Variants in ANKRD36C observed in about 807,000 individuals in gnomAD.
ANKRD36C encodes ankyrin repeat domain-containing protein 36C.
A neutral mutation model predicts 276.4 loss-of-function variants in ANKRD36C; 61 were observed. The observed-to-expected ratio is 0.22, with a 90% confidence interval of 0.18 to 0.27. The LOEUF (loss-of-function observed/expected upper bound fraction) is 0.27, where lower values mean the gene tolerates loss of function less well. ANKRD36C is among the 10% of genes least tolerant of loss of function. ANKRD36C has a pLI of 1.00. For missense variants in ANKRD36C, 1,447 were observed against 2,032.3 expected, an observed-to-expected ratio of 0.71 and a Z score of 5.54; for synonymous variants, 483 against 680.1, an observed-to-expected ratio of 0.71 and a Z score of 4.51.
In ANKRD36C at chr2:95,986,294, G is replaced by A. The variant is rs187619047; in HGVS notation, c.486+457C>T. Among the ~76,000 whole-genome samples, 174 of 151,610 alleles carry A rather than the reference G, an allele frequency of 1.1e-3. 1 individual carries two copies. The highest frequency in any genetic ancestry group is 3.9e-3 in the African/African-American group (158 of 40,950). ...CCTTTCCACAGAGGAATCACTTTCA[G>A]ATGAAATCACCTTCACATACAATAC... On this transcript the variant is annotated intron_variant, in intron 3 of 66. Transcript: ENST00000456556.
chr2:95,891,755 T>A lies in ANKRD36C; in HGVS notation c.2785-18A>T, dbSNP rs755821622. The A allele has an allele frequency of 4.5e-6, 7 of 1,572,028 alleles. No homozygotes were observed. The South Asian group carries it at 8.1e-5, about 18-fold the overall frequency. ...CTTGTAGCCTGAATGGAATTTGAAA[T>A]GAAATAATAAATTAATAAAGTATGT... On this transcript the variant is annotated intron_variant, in intron 45 of 66. Coordinates refer to ENST00000456556, the Ensembl canonical transcript of ANKRD36C.
intron 3 of ANKRD36C, among the ~76,000 whole-genome samples, chr2:95,985,290 T>C (rs1489379467): frequency 6.6e-6 from 1 of 152,198 alleles, no homozygotes; most frequent in Non-Finnish European, 1.5e-5. Flanking sequence ...GTCAGGCCAA[T>C]ATTATTGGAA....
In ANKRD36C at chr2:95,902,497, T is replaced by G. The variant is rs1487736169; in HGVS notation, c.2654-3161A>C. Among the ~76,000 whole-genome samples, 5 of 150,582 alleles carry G rather than the reference T, an allele frequency of 3.3e-5. 1 individual carries two copies. Among genetic ancestry groups the G allele is most frequent in the African/African-American group, 1.2e-4 (5 of 41,022 alleles). On this transcript the variant is annotated intron_variant, in intron 42 of 66. Transcript: ENST00000456556. The stretch of plus-strand genomic sequence containing the variant: ...AGTTCTCCTAACAGTGTCTACGGGT[T>G]GTTACAACAAGCTTTCTATCTTTTC...
rs1293389531 is a variant in ANKRD36C at position 95,944,621 on chromosome 2, A to G, written c.1491+6T>C. 2.0e-6 allele frequency: 3 copies of G among 1,537,106 alleles called. No individual in the cohort carries two copies. The highest frequency in any genetic ancestry group is 2.6e-6 in the Non-Finnish European group (3 of 1,146,738). ...TATGTTGGCTTTTAACCACATCTTC[A>G]TTTACCTTATCAACATTTTGGTCTT... On this transcript the variant is annotated splice_donor_region_variant and intron_variant, in intron 19 of 66. Coordinates refer to ENST00000456556, the Ensembl canonical transcript of ANKRD36C.
At chr2:95,896,057 G>A (rs938534864) in intron 44 of ANKRD36C, among the ~76,000 whole-genome samples, 10 of 147,600 alleles carry the variant, frequency 6.8e-5, no homozygotes, top group East Asian at 6.2e-4. Flanking sequence ...ACACAATTAC[G>A]ATGACACTCC....
chr2:95,867,963 G>A (rs1198427040), intron 59 of ANKRD36C, among the ~76,000 whole-genome samples: 2 of 152,178 alleles, frequency 1.3e-5, no homozygotes, highest in Non-Finnish European at 2.9e-5. Context: ...AATTCAAATG[G>A]ATCAAATAAT....
At chr2:95,961,916 T>C (rs1478014541) in intron 8 of ANKRD36C, among the ~76,000 whole-genome samples, 2 of 152,054 alleles carry the variant, frequency 1.3e-5, no homozygotes, top group Admixed American at 6.6e-5. Context: ...AGTAAAATAA[T>C]TACCACATCA....
At chr2:95,929,965 T>C (rs1677521417) in intron 24 of ANKRD36C, among the ~76,000 whole-genome samples, 1 of 151,540 alleles carries the variant, frequency 6.6e-6, no homozygotes, top group Non-Finnish European at 1.5e-5. Context: ...AAAAGTGTAA[T>C]AAATTAGCAA....
rs879694379 is a variant in ANKRD36C at position 95,983,857 on chromosome 2, C to T, written c.487-1495G>A. ...GGTCTCAATCTTCTGACCTCGTGATCTACCTGCCTCTGCCTCCCAAAGTGC... is the reference window on the plus strand; with the variant it reads ...GGTCTCAATCTTCTGACCTCGTGATTTACCTGCCTCTGCCTCCCAAAGTGC... On this transcript the variant is annotated intron_variant, in intron 3 of 66. Coordinates refer to ENST00000456556, the Ensembl canonical transcript of ANKRD36C. 5.7e-4 allele frequency among the ~76,000 whole-genome samples: 87 copies of T among 151,320 alleles called. 1 individual carries two copies. Among genetic ancestry groups the T allele is most frequent in the African/African-American group, 1.9e-3 (79 of 41,254 alleles).
chr2:95,951,260 A>G lies in ANKRD36C; in HGVS notation c.1264+88T>C. On this transcript the variant is annotated intron_variant, in intron 15 of 66. Transcript: ENST00000456556. ...TGCACTCCAGCCTGTGCTGCAGACTAGTAAGACTGTGTTTCACAAAGAAAA... is the reference window on the plus strand; with the variant it reads ...TGCACTCCAGCCTGTGCTGCAGACTGGTAAGACTGTGTTTCACAAAGAAAA... The G allele has an allele frequency of 4.4e-6, 5 of 1,133,656 alleles. No homozygotes were observed. In the Admixed American group the frequency reaches 9.2e-5, roughly 21 times the overall value. 70.2% of individuals were successfully genotyped at this position (1,133,656 alleles called of 1,614,324 possible). A position where few individuals can be genotyped will look rare whatever the true frequency, so the allele number is the denominator to read the frequency against.
intron 34 of ANKRD36C, among the ~76,000 whole-genome samples, chr2:95,920,794 G>A (rs1573768338): frequency 1.3e-5 from 2 of 149,772 alleles, no homozygotes; most frequent in Non-Finnish European, 3.0e-5. Flanking sequence ...GGAGTATCAT[G>A]TTAGTCTCTA....
At chr2:95,902,895 T>G in intron 42 of ANKRD36C, 1 of 1,579,566 alleles carries the variant, frequency 6.3e-7, no homozygotes. Flanking sequence ...CCTCTCCTAG[T>G]TTTTTCTCCA....
rs1199643422 is a variant in ANKRD36C, at chr2:95,923,418, C to G, written c.2143+77G>C. On this transcript the variant is annotated intron_variant, in intron 32 of 66. Transcript: ENST00000456556. ...AGAATGTGCAGCTTTGATGAGCCCC[C>G]CGCTGATTTATTCAGGGAAGAGAAG... 13 of 1,539,794 alleles carry G rather than the reference C, an allele frequency of 8.4e-6. No homozygotes were observed. In the Admixed American group the frequency reaches 2.1e-4, roughly 25 times the overall value.
intron 32 of ANKRD36C, among the ~76,000 whole-genome samples, chr2:95,922,841 T>C (rs1401937540): frequency 6.6e-6 from 1 of 151,686 alleles, no homozygotes; most frequent in Non-Finnish European, 1.5e-5. Flanking sequence ...CAAAGAGAAG[T>C]AATTAGTCAA....
rs141803341 is a variant in ANKRD36C at position 95,888,861 on chromosome 2, C to T, written c.2960-741G>A. On this transcript the variant is annotated intron_variant, in intron 48 of 66. Coordinates refer to ENST00000456556, the Ensembl canonical transcript of ANKRD36C. ...TTCTACAATGTAAAACTGCTACAAGCATTAGATATTAATAAGTTTTACATT... is the reference window on the plus strand; with the variant it reads ...TTCTACAATGTAAAACTGCTACAAGTATTAGATATTAATAAGTTTTACATT... Among the ~76,000 whole-genome samples, 958 of 151,676 alleles carry T rather than the reference C, an allele frequency of 6.3e-3. 7 individuals are homozygous for T. The highest frequency in any genetic ancestry group is 0.017 in the Middle Eastern group (5 of 294).
intron 24 of ANKRD36C, among the ~76,000 whole-genome samples, chr2:95,933,557 T>C (rs1279587211): frequency 4.6e-5 from 7 of 152,028 alleles, no homozygotes; most frequent in African/African-American, 1.7e-4. Context: ...GGGCGTTCAC[T>C]CATGATGATT....
Position 95,903,024 on chromosome 2 carries a change from G to T in ANKRD36C, c.2654-3688C>A. The T allele has an allele frequency of 1.3e-5, 20 of 1,570,266 alleles. 1 individual carries two copies. Among genetic ancestry groups the T allele is most frequent in the African/African-American group, 1.4e-5 (1 of 73,462 alleles). The stretch of plus-strand genomic sequence containing the variant: ...TGCTTCATAGACTATACATTTACTA[G>T]TTCACAATATAAATGACAGTTTCAT... On this transcript the variant is annotated intron_variant, in intron 42 of 66. Coordinates refer to ENST00000456556, the Ensembl canonical transcript of ANKRD36C.
chr2:95,927,321 A>G (rs747981544), intron 27 of ANKRD36C, 35 bp from the exon 28 acceptor site: 15 of 1,608,412 alleles, frequency 9.3e-6, no homozygotes, highest in Non-Finnish European at 1.1e-5. Context: ...ATCAATACGT[A>G]AAGTAGGTTT....
At chr2:95,962,818 T>G (rs1678492563) in intron 6 of ANKRD36C, among the ~76,000 whole-genome samples, 1 of 152,032 alleles carries the variant, frequency 6.6e-6, no homozygotes, top group Non-Finnish European at 1.5e-5. Context: ...AGTATCATTG[T>G]GGATATATGG....
Sources: gnomAD v4.1 joint callset for allele counts (sites outside exome capture counted in the v4.1 genomes callset) on GRCh38, gnomAD v4.1.1 for gene constraint, MANE v1.5 for transcripts, NCBI Gene and HGNC (gene_info 2026-07-23, HGNC 2026-07-21) for gene names.